Variants in SOX5 observed in about 807,000 individuals in gnomAD.
The protein encoded by SOX5 is SRY-box transcription factor 5.
Under a neutral mutation model 92.0 loss-of-function variants are expected in SOX5, and 9 were observed. The observed-to-expected ratio is 0.10, with a 90% CI of 0.06 to 0.17. The LOEUF is 0.17. Among genes scored for constraint, SOX5 ranks in the 10% least tolerant of loss-of-function variants. The pLI is 1.00. For synonymous variants in SOX5, 344 were observed against 336.3 expected, an observed-to-expected ratio of 1.02 and a Z score of -0.25; for missense variants, 642 against 944.5, an observed-to-expected ratio of 0.68 and a Z score of 4.20.
chr12:23,899,801 A>C lies in SOX5; in HGVS notation c.39-3777T>G, dbSNP rs181289036. ...ATCAGCTACCATGTGCAAGACACTTATTTAATGGGAATAAAAAACCTATTT... is the reference window on the plus strand; with the variant it reads ...ATCAGCTACCATGTGCAAGACACTTCTTTAATGGGAATAAAAAACCTATTT... On this transcript the variant is annotated intron_variant, in intron 1 of 14. Transcript: ENST00000451604. Among the ~76,000 whole-genome samples, 271 of 152,344 alleles carry C rather than the reference A, an allele frequency of 1.8e-3. 3 individuals carry two copies. Among genetic ancestry groups the C allele is most frequent in the African/African-American group, 5.9e-3 (245 of 41,584 alleles).
At chr12:24,272,315 T>G (rs1053105304) in intron 3 of SOX5, among the ~76,000 whole-genome samples, 13 of 152,178 alleles carry the variant, frequency 8.5e-5, no homozygotes, top group African/African-American at 3.1e-4. Flanking sequence ...TCATATCGTG[T>G]GCCAATAACG....
intron 9 of SOX5, 146 bp downstream of exon 9, chr12:23,604,241 T>C: frequency 1.4e-6 from 1 of 692,000 alleles, no homozygotes; most frequent in Non-Finnish European, 2.5e-6. Context: ...TAAGTTGACA[T>C]GCACACCTGT....
rs532873568 is a variant in SOX5 at position 24,178,260 on chromosome 12, T to C, written c.-2+35083A>G. Among the ~76,000 whole-genome samples the C allele has an allele frequency of 2.0e-5, 3 of 151,664 alleles. No homozygotes were observed. In the East Asian group the frequency reaches 5.8e-4, roughly 29 times the overall value. Reference sequence around the variant, plus strand: ...AGAGCTTGACTTTTTTTTTTTTTTTTTTTTTCCCATTTAAGCACTGCAAGT... The same window carrying C: ...AGAGCTTGACTTTTTTTTTTTTTTTCTTTTTCCCATTTAAGCACTGCAAGT... On this transcript the variant is annotated intron_variant, in intron 4 of 4. Coordinates refer to the SOX5 transcript ENST00000446891.
At chr12:23,654,330 C>T in intron 7 of SOX5, among the ~76,000 whole-genome samples, 1 of 151,958 alleles carries the variant, frequency 6.6e-6, no homozygotes, top group East Asian at 1.9e-4. Flanking sequence ...CAATTCTTAT[C>T]CTCTTAGGTA....
chr12:24,172,549 A>G (rs1593900105), intron 4 of SOX5, among the ~76,000 whole-genome samples: 1 of 152,124 alleles, frequency 6.6e-6, no homozygotes, highest in Middle Eastern at 3.2e-3. Flanking sequence ...AAGAAAAAAG[A>G]AAAGAAAAGA....
intron 6 of SOX5, 134 bp from the exon 7 acceptor site, chr12:23,665,698 C>CTT: frequency 2.0e-6 from 2 of 1,014,616 alleles, no homozygotes; most frequent in Non-Finnish European, 2.8e-6. Context: ...TGCTGGGATA[C>CTT]TGGGCTTGAG....
intron 3 of SOX5, among the ~76,000 whole-genome samples, chr12:24,232,404 A>T (rs998998336): frequency 6.6e-6 from 1 of 152,246 alleles, no homozygotes; most frequent in Non-Finnish European, 1.5e-5. Flanking sequence ...TTATGGCTGT[A>T]AAGATGTAAG....
intron 3 of SOX5, among the ~76,000 whole-genome samples, chr12:24,228,945 C>T (rs1000776568): frequency 2.0e-5 from 3 of 152,168 alleles, no homozygotes; most frequent in African/African-American, 2.4e-5. Flanking sequence ...AATGGTTAAT[C>T]GAGCCCATAT....
chr12:24,078,494 G>A (rs1301283492), intron 4 of SOX5, among the ~76,000 whole-genome samples: 3 of 152,080 alleles, frequency 2.0e-5, no homozygotes, highest in African/African-American at 7.2e-5. Context: ...TGGCTTAGGT[G>A]TTTAGACTTT....
intron 4 of SOX5, among the ~76,000 whole-genome samples, chr12:24,017,283 G>T (rs1953737344): frequency 6.6e-6 from 1 of 152,126 alleles, no homozygotes; most frequent in Non-Finnish European, 1.5e-5. Context: ...CTAACCTGGG[G>T]TAGCTGAACT....
chr12:23,823,772 C>G (rs2096173939), intron 3 of SOX5, among the ~76,000 whole-genome samples: 1 of 152,168 alleles, frequency 6.6e-6, no homozygotes, highest in Admixed American at 6.5e-5. Context: ...TAGGTTTGGT[C>G]TTTCACATAG....
At chr12:24,150,707 A>T (rs780023829) in intron 4 of SOX5, among the ~76,000 whole-genome samples, 5 of 152,090 alleles carry the variant, frequency 3.3e-5, no homozygotes, top group Non-Finnish European at 7.4e-5. Flanking sequence ...AAGCCAATAG[A>T]GGTAAAAATT....
At chr12:24,066,691 G>C (rs1940808234) in intron 4 of SOX5, among the ~76,000 whole-genome samples, 1 of 152,112 alleles carries the variant, frequency 6.6e-6, no homozygotes, top group African/African-American at 2.4e-5. Context: ...ACCATATCTG[G>C]TATAAAATGT....
intron 1 of SOX5, among the ~76,000 whole-genome samples, chr12:24,505,659 G>A (rs543408197): frequency 6.6e-6 from 1 of 152,292 alleles, no homozygotes; most frequent in South Asian, 2.1e-4. Flanking sequence ...CCAGCCAAGT[G>A]GATCAAAAAG....
chr12:24,250,412 C>T (rs1939790035), intron 3 of SOX5, among the ~76,000 whole-genome samples: 1 of 152,218 alleles, frequency 6.6e-6, no homozygotes, highest in Non-Finnish European at 1.5e-5. Context: ...GAGATAGACA[C>T]TTTTTGAGAC....
chr12:24,068,123 C>T (rs551632774), intron 4 of SOX5, among the ~76,000 whole-genome samples: 1 of 152,072 alleles, frequency 6.6e-6, no homozygotes, highest in Admixed American at 6.5e-5. Context: ...CCAGCCTGGG[C>T]GACAGAGGGA....
intron 4 of SOX5, among the ~76,000 whole-genome samples, chr12:24,155,824 C>T (rs529914381): frequency 1.3e-5 from 2 of 152,228 alleles, no homozygotes; most frequent in African/African-American, 2.4e-5. Context: ...GGAGGGCAGG[C>T]CTGCACATGG....
intron 3 of SOX5, among the ~76,000 whole-genome samples, chr12:23,837,989 TTATA>T (rs1485727888): frequency 1.6e-5 from 2 of 126,060 alleles, no homozygotes; most frequent in Non-Finnish European, 3.1e-5. Flanking sequence ...ATATTTATAT[TTATA>T]TAATGTACAT....
chr12:24,243,219 T>C (rs542966573), intron 3 of SOX5, among the ~76,000 whole-genome samples: 21 of 152,292 alleles, frequency 1.4e-4, no homozygotes, highest in African/African-American at 4.6e-4. Flanking sequence ...CACATATTAT[T>C]TAGATAAATA....
Sources: gnomAD v4.1 joint callset for allele counts (sites outside exome capture counted in the v4.1 genomes callset) on GRCh38, gnomAD v4.1.1 for gene constraint, MANE v1.5 for transcripts, NCBI Gene and HGNC (gene_info 2026-07-23, HGNC 2026-07-21) for gene names.